Variants in MARCHF1 observed in about 807,000 individuals in gnomAD.
The protein encoded by MARCHF1 is membrane associated ring-CH-type finger 1, also known as E3 ubiquitin-protein ligase MARCHF1.
A neutral mutation model predicts 54.2 loss-of-function variants in MARCHF1; 40 were observed. The ratio of observed to expected loss-of-function variants is 0.74; its 90% CI spans 0.57 to 0.96. The LOEUF is 0.96. Among genes scored for constraint, MARCHF1 ranks in the 40% least tolerant of loss-of-function variants. MARCHF1 has a pLI of 0.00. For missense variants in MARCHF1, 586 were observed against 656.5 expected (o/e 0.89, Z 1.17); for synonymous variants, 236 against 236.3 (o/e 1.00, Z 0.01).
At position 164,248,841 on chromosome 4, in the gene MARCHF1, C is replaced by CA. The variant is rs571111445; in HGVS notation, c.-323+135028dup. Among the ~76,000 whole-genome samples, 19 of 151,520 alleles carry CA rather than the reference C, an allele frequency of 1.3e-4. No homozygotes were observed. The East Asian group carries it at 3.3e-3, about 26-fold the overall frequency. Reference sequence around the variant, plus strand: ...CAGAAGGATTCAAGACAGAAAAGATCAAAAAAACACTATACTGTTTCATAT... The same window carrying CA: ...CAGAAGGATTCAAGACAGAAAAGATCAAAAAAAACACTATACTGTTTCATAT... On this transcript the variant is annotated intron_variant, in intron 1 of 9. Transcript: ENST00000514618.
intron 3 of MARCHF1, among the ~76,000 whole-genome samples, chr4:163,917,098 G>C (rs1751325361): frequency 6.6e-6 from 1 of 152,144 alleles, no homozygotes; most frequent in African/African-American, 2.4e-5. Flanking sequence ...GAATCACACA[G>C]TATGTAGTCT....
At chr4:163,891,125 G>A (rs1750652268) in intron 3 of MARCHF1, among the ~76,000 whole-genome samples, 1 of 151,974 alleles carries the variant, frequency 6.6e-6, no homozygotes, top group Admixed American at 6.6e-5. Context: ...AATCTTGTCA[G>A]GTCGCAATTT....
chr4:163,761,695 A>G (rs1289755418), intron 4 of MARCHF1, among the ~76,000 whole-genome samples: 2 of 152,160 alleles, frequency 1.3e-5, no homozygotes, highest in Non-Finnish European at 2.9e-5. Context: ...AATTCTGGGA[A>G]ATGTTCTTCA....
At chr4:163,629,695 TA>T (rs1453926372) in intron 5 of MARCHF1, among the ~76,000 whole-genome samples, 7 of 151,912 alleles carry the variant, frequency 4.6e-5, no homozygotes, top group African/African-American at 1.4e-4. Flanking sequence ...CTAAGGGGGC[TA>T]GGGGAGGGAT....
chr4:163,899,393 T>C (rs1273948097), intron 3 of MARCHF1, among the ~76,000 whole-genome samples: 2 of 152,130 alleles, frequency 1.3e-5, no homozygotes, highest in Admixed American at 6.6e-5. Context: ...TTATTCCCTG[T>C]CTCTTTGAAG....
intron 4 of MARCHF1, among the ~76,000 whole-genome samples, chr4:163,745,685 A>G (rs1239477422): frequency 6.6e-6 from 1 of 152,344 alleles, no homozygotes; most frequent in East Asian, 1.9e-4. Context: ...ATGCCATGAG[A>G]TAACTCCCAG....
intron 9 of MARCHF1, among the ~76,000 whole-genome samples, chr4:163,545,353 C>T (rs1482032948): frequency 2.0e-5 from 3 of 152,180 alleles, no homozygotes; most frequent in African/African-American, 7.2e-5. Flanking sequence ...TTGTGTGTAA[C>T]TGCCACTAAG....
chr4:163,640,419 A>C (rs2111031083), intron 5 of MARCHF1, among the ~76,000 whole-genome samples: 1 of 152,270 alleles, frequency 6.6e-6, no homozygotes, highest in South Asian at 2.1e-4. Context: ...CAAAAATGTG[A>C]GGTGGCAAAC....
intron 2 of MARCHF1, among the ~76,000 whole-genome samples, chr4:164,085,787 AT>A (rs1189588864): frequency 1.3e-5 from 2 of 151,846 alleles, no homozygotes; most frequent in Non-Finnish European, 3.0e-5. Flanking sequence ...GTGTAGCGGA[AT>A]TTTACTATCT....
At chr4:163,553,487 A>G (rs1739182255) in intron 8 of MARCHF1, among the ~76,000 whole-genome samples, 1 of 152,240 alleles carries the variant, frequency 6.6e-6, no homozygotes, top group Admixed American at 6.5e-5. Flanking sequence ...AGGAAAATAC[A>G]ATCTATTTTT....
chr4:163,569,265 A>G (rs755048205), intron 8 of MARCHF1, among the ~76,000 whole-genome samples: 3 of 152,082 alleles, frequency 2.0e-5, no homozygotes, highest in Admixed American at 6.6e-5. Context: ...CTACAGTTCA[A>G]TCAGCTGGGT....
At chr4:164,338,595 A>G (rs1345790684) in intron 1 of MARCHF1, among the ~76,000 whole-genome samples, 1 of 152,202 alleles carries the variant, frequency 6.6e-6, no homozygotes, top group Admixed American at 6.5e-5. Flanking sequence ...ACAAAAAAAG[A>G]GCAGGGGTAA....
intron 1 of MARCHF1, chr4:164,197,685 T>G: frequency 6.2e-7 from 1 of 1,612,520 alleles, no homozygotes; most frequent in African/African-American, 1.3e-5. Flanking sequence ...TCCGCAGCTC[T>G]GAATGAATCC....
At chr4:163,849,660 A>G (rs1209384578) in intron 4 of MARCHF1, among the ~76,000 whole-genome samples, 1 of 152,170 alleles carries the variant, frequency 6.6e-6, no homozygotes, top group Non-Finnish European at 1.5e-5. Flanking sequence ...ATCACTTCCA[A>G]ACCTAAACCA....
intron 3 of MARCHF1, among the ~76,000 whole-genome samples, chr4:163,921,857 A>G (rs1363937365): frequency 1.3e-5 from 2 of 152,174 alleles, no homozygotes. Flanking sequence ...GTACCTCTAT[A>G]CAGTATTAAA....
intron 3 of MARCHF1, among the ~76,000 whole-genome samples, chr4:163,977,502 T>A (rs1252903651): frequency 6.6e-6 from 1 of 152,154 alleles, no homozygotes; most frequent in Middle Eastern, 3.2e-3. Context: ...TAATTCAAAT[T>A]CAGTTAAGAG....
rs376610725 is a variant in MARCHF1 at position 163,723,766 on chromosome 4, C to T, written c.112-22903G>A. Among the ~76,000 whole-genome samples, 9 of 152,170 alleles carry T rather than the reference C, an allele frequency of 5.9e-5. No individual in the cohort carries two copies. In the East Asian group the frequency reaches 7.7e-4, roughly 13 times the overall value. On this transcript the variant is annotated intron_variant, in intron 4 of 9. Transcript: ENST00000514618. ...CTAAACTTCTCTTCTCGCTTCATTT[C>T]GTTCATTTGATCTTCAATCACTGAT...
At chr4:163,837,523 C>G (rs1423554420) in intron 4 of MARCHF1, among the ~76,000 whole-genome samples, 2 of 151,954 alleles carry the variant, frequency 1.3e-5, no homozygotes, top group African/African-American at 4.8e-5. Flanking sequence ...TAAAAAGTGA[C>G]TTGATTCAGC....
At chr4:164,064,942 T>G (rs531101412) in intron 2 of MARCHF1, among the ~76,000 whole-genome samples, 1 of 152,336 alleles carries the variant, frequency 6.6e-6, no homozygotes, top group Non-Finnish European at 1.5e-5. Flanking sequence ...GTTTATGTGA[T>G]GAATTACGTT....
Sources: allele counts gnomAD v4.1 joint callset (sites outside exome capture counted in the v4.1 genomes callset), GRCh38; gene constraint gnomAD v4.1.1; transcripts MANE v1.5; gene names NCBI Gene and HGNC (gene_info 2026-07-23, HGNC 2026-07-21).